Variants in PTBP3 observed in about 807,000 individuals in gnomAD.
PTBP3 encodes polypyrimidine tract-binding protein 3.
In PTBP3, 20 loss-of-function variants were observed where a neutral mutation model predicts 58.7. That is an observed-to-expected ratio of 0.34 (90% CI 0.24 to 0.50). The LOEUF is 0.50. Ranked by LOEUF, PTBP3 falls within the 20% of genes least tolerant of loss-of-function variation. PTBP3 has a pLI of 0.98. For synonymous variants in PTBP3, 185 were observed against 219.8 expected (o/e 0.84, Z 1.40); for missense variants, 509 against 637.2 (o/e 0.80, Z 2.17).
the PTBP3 span, among the ~76,000 whole-genome samples, chr9:112,345,943 C>G: frequency 3.9e-5 from 6 of 151,912 alleles, no homozygotes; most frequent in Non-Finnish European, 7.4e-5. Context: ...TAACCTCCAC[C>G]TCCCAGGTTC....
At chr9:112,290,160 A>G (rs1198170303) in intron 2 of PTBP3, among the ~76,000 whole-genome samples, 1 of 152,230 alleles carries the variant, frequency 6.6e-6, no homozygotes, top group African/African-American at 2.4e-5. Flanking sequence ...GCATACACGT[A>G]TAACAAAGTA....
At chr9:112,333,041 A>C in intron 1 of PTBP3, 1 of 1,260,772 alleles carries the variant, frequency 7.9e-7, no homozygotes, top group Non-Finnish European at 1.0e-6. Flanking sequence ...GTAAACAGCA[A>C]CTCCCCCGGC....
chr9:112,301,033 A>G (rs1407349065), intron 1 of PTBP3, among the ~76,000 whole-genome samples: 2 of 152,074 alleles, frequency 1.3e-5, no homozygotes, highest in Admixed American at 1.3e-4. Context: ...AAATATAAAA[A>G]CTTTTGTGTT....
intron 7 of PTBP3, among the ~76,000 whole-genome samples, chr9:112,248,316 A>C (rs779657480): frequency 2.0e-5 from 3 of 152,228 alleles, no homozygotes; most frequent in Non-Finnish European, 4.4e-5. Flanking sequence ...TCTGGAATAC[A>C]TAATGAATTC....
At chr9:112,320,315 T>TATATATATATATATATATATATATATA (rs60292377) in intron 1 of PTBP3, among the ~76,000 whole-genome samples, 2 of 27,076 alleles carry the variant, frequency 7.4e-5, no homozygotes, top group South Asian at 1.1e-3. Context: ...TATATATATA[T>TATATATATATATATATATATATATATA]TTTTTTTTAA....
At chr9:112,224,593 C>T (rs1340957165) in intron 12 of PTBP3, among the ~76,000 whole-genome samples, 2 of 152,130 alleles carry the variant, frequency 1.3e-5, no homozygotes, top group Admixed American at 6.5e-5. Flanking sequence ...TCTGGAGTTC[C>T]ATATTTTCAA....
At chr9:112,233,405 T>C (rs1459076533) in intron 8 of PTBP3, among the ~76,000 whole-genome samples, 3 of 151,762 alleles carry the variant, frequency 2.0e-5, no homozygotes, top group Admixed American at 1.3e-4. Context: ...TATTTATATA[T>C]AGAGTATATC....
chr9:112,259,120 A>C (rs10817305), intron 5 of PTBP3, among the ~76,000 whole-genome samples: 1 of 151,746 alleles, frequency 6.6e-6, no homozygotes, highest in Non-Finnish European at 1.5e-5. Context: ...CTTGACTAAT[A>C]TTTTGTATTT....
At chr9:112,248,363 C>G (rs1477737926) in intron 7 of PTBP3, among the ~76,000 whole-genome samples, 1 of 151,966 alleles carries the variant, frequency 6.6e-6, no homozygotes, top group South Asian at 2.1e-4. Flanking sequence ...AAATAAAACA[C>G]AAAAACAGAC....
chr9:112,355,628 T>C, the PTBP3 span, among the ~76,000 whole-genome samples: 2 of 149,758 alleles, frequency 1.3e-5, no homozygotes, highest in African/African-American at 2.5e-5. Context: ...TTTCTTTTTT[T>C]TTTTTTTTTT....
chr9:112,340,169 G>A, the PTBP3 span, among the ~76,000 whole-genome samples: 3 of 152,098 alleles, frequency 2.0e-5, no homozygotes, highest in Non-Finnish European at 4.4e-5. Flanking sequence ...CCAGAACAAT[G>A]CCTACTACAT....
chr9:112,258,769 G>A (rs544265500), intron 5 of PTBP3, among the ~76,000 whole-genome samples: 15 of 152,210 alleles, frequency 9.9e-5, no homozygotes, highest in Non-Finnish European at 1.9e-4. Flanking sequence ...GCTTGTCATA[G>A]GGTGGAAGGA....
At chr9:112,305,221 G>A (rs1234800971) in intron 1 of PTBP3, among the ~76,000 whole-genome samples, 1 of 151,292 alleles carries the variant, frequency 6.6e-6, no homozygotes, top group Non-Finnish European at 1.5e-5. Flanking sequence ...CCTTCCTAGA[G>A]GTAATCTCTA....
At chr9:112,313,560 T>A (rs1829574912) in intron 1 of PTBP3, among the ~76,000 whole-genome samples, 1 of 152,194 alleles carries the variant, frequency 6.6e-6, no homozygotes, top group African/African-American at 2.4e-5. Flanking sequence ...GGAGAGTCTA[T>A]CACAGACCGG....
At chr9:112,227,337 G>A (rs1835028533) in intron 12 of PTBP3, 74 bp downstream of exon 12, 1 of 1,517,426 alleles carries the variant, frequency 6.6e-7, no homozygotes, top group Non-Finnish European at 9.1e-7. Flanking sequence ...AATTTCAGAA[G>A]TTTTAACCTC....
At position 112,291,784 on chromosome 9, in the gene PTBP3, G is replaced by T. The variant is rs150261530; in HGVS notation, c.34+6048C>A. On this transcript the variant is annotated intron_variant, in intron 2 of 13. Transcript: ENST00000374257. Reference sequence around the variant, plus strand: ...AAAAGACCTATAAGAGACAAAGGGGGAAAGCTTCATGACAGTGGATTTGGC... The same window carrying T: ...AAAAGACCTATAAGAGACAAAGGGGTAAAGCTTCATGACAGTGGATTTGGC... Among the ~76,000 whole-genome samples the T allele has an allele frequency of 3.9e-5, 6 of 152,274 alleles. No homozygotes were observed. The East Asian group carries it at 1.2e-3, about 29-fold the overall frequency.
At chr9:112,325,570 T>C (rs1472842685) in intron 1 of PTBP3, among the ~76,000 whole-genome samples, 1 of 147,032 alleles carries the variant, frequency 6.8e-6, no homozygotes, top group Non-Finnish European at 1.5e-5. Flanking sequence ...CCCTGCATTA[T>C]ATTCACATAG....
chr9:112,309,851 G>A (rs1380723960), intron 1 of PTBP3, among the ~76,000 whole-genome samples: 1 of 152,090 alleles, frequency 6.6e-6, no homozygotes, highest in African/African-American at 2.4e-5. Context: ...AGTCAATAGG[G>A]GGTCTGCATT....
At chr9:112,329,187 G>A (rs1050209209) in intron 1 of PTBP3, among the ~76,000 whole-genome samples, 5 of 152,042 alleles carry the variant, frequency 3.3e-5, no homozygotes, top group African/African-American at 1.2e-4. Context: ...AAGGAGGGCG[G>A]ATCACCTGAG....
Sources: gnomAD v4.1 joint callset for allele counts (sites outside exome capture counted in the v4.1 genomes callset) on GRCh38, gnomAD v4.1.1 for gene constraint, MANE v1.5 for transcripts, NCBI Gene and HGNC (gene_info 2026-07-23, HGNC 2026-07-21) for gene names.